TOM1L1: variants seen among roughly 807,000 people sequenced by gnomAD.
The protein encoded by TOM1L1 is target of myb1 like 1 membrane trafficking protein.
Under a neutral mutation model 63.4 loss-of-function variants are expected in TOM1L1, and 64 were observed. The ratio of observed to expected loss-of-function variants is 1.01; its 90% CI spans 0.83 to 1.24. TOM1L1 has a LOEUF of 1.24. Among genes scored for constraint, TOM1L1 ranks in the 50% most tolerant of loss-of-function variants. The pLI, the probability that TOM1L1 is intolerant of heterozygous loss-of-function variation, is 0.00. For synonymous variants in TOM1L1, 166 were observed against 194.4 expected, an observed-to-expected ratio of 0.85 and a Z score of 1.22; for missense variants, 536 against 567.0, an observed-to-expected ratio of 0.95 and a Z score of 0.55.
At chr17:54,902,751 G>A (rs749578596) in intron 1 of TOM1L1, among the ~76,000 whole-genome samples, 15 of 152,182 alleles carry the variant, frequency 9.9e-5, no homozygotes, top group Non-Finnish European at 1.9e-4. Flanking sequence ...TTAGGAAGAT[G>A]TTAGCGCATT....
chr17:54,930,389 C>A, intron 8 of TOM1L1, 183 bp downstream of exon 8: 1 of 674,122 alleles, frequency 1.5e-6, no homozygotes, highest in Non-Finnish European at 2.4e-6. Flanking sequence ...TCAGTAAATG[C>A]TAGAGGTCTT....
In TOM1L1 at chr17:54,946,394, C is replaced by T. The variant is rs2049119614; in HGVS notation, c.1131-867C>T. On this transcript the variant is annotated intron_variant, in intron 11 of 15. Coordinates refer to ENST00000575882, the MANE Select transcript of TOM1L1 (RefSeq NM_005486.3). ...GAGCTTTAGTTACCCTATGATACCA[C>T]ACATTTCCTTGACTATGCTTATGTC... 2.0e-5 allele frequency among the ~76,000 whole-genome samples: 3 copies of T among 152,158 alleles called. No homozygotes were observed. The South Asian group carries it at 6.2e-4, about 32-fold the overall frequency.
At chr17:54,950,956 T>C (rs138025266) in intron 14 of TOM1L1, among the ~76,000 whole-genome samples, 2 of 152,194 alleles carry the variant, frequency 1.3e-5, no homozygotes, top group East Asian at 1.9e-4. Context: ...AATTCTACAA[T>C]GGACACCAGC....
At chr17:54,925,489 A>G (rs2048752921) in intron 7 of TOM1L1, among the ~76,000 whole-genome samples, 1 of 152,238 alleles carries the variant, frequency 6.6e-6, no homozygotes, top group African/African-American at 2.4e-5. Context: ...TGGACAGTGG[A>G]TCTGGAGGGC....
chr17:54,934,391 T>C (rs957800015), intron 8 of TOM1L1, among the ~76,000 whole-genome samples: 2 of 152,232 alleles, frequency 1.3e-5, no homozygotes, highest in African/African-American at 4.8e-5. Flanking sequence ...TTCATTCTTT[T>C]TTCAACCTTT....
intron 15 of TOM1L1, chr17:54,961,027 C>G (rs1255498133): frequency 1.7e-6 from 1 of 584,010 alleles, no homozygotes; most frequent in African/African-American, 1.9e-5. Context: ...CACTACTAAT[C>G]CCATGTATTT....
At position 54,912,248 on chromosome 17, in the gene TOM1L1, A is replaced by G. The variant is rs2048508478; in HGVS notation, c.223-418A>G. ...TATAGCTGGGGTGACTGTGTAATTT[A>G]TCATCCAAACCAGGACATTTTTGAA... On this transcript the variant is annotated intron_variant, in intron 3 of 15. Coordinates refer to ENST00000575882, the MANE Select transcript of TOM1L1 (RefSeq NM_005486.3). 2.6e-5 allele frequency among the ~76,000 whole-genome samples: 4 copies of G among 152,298 alleles called. No individual in the cohort carries two copies. In the South Asian group the frequency reaches 8.3e-4, roughly 32 times the overall value.
chr17:54,959,734 C>T (rs2077063874), intron 14 of TOM1L1, among the ~76,000 whole-genome samples: 1 of 151,888 alleles, frequency 6.6e-6, no homozygotes, highest in Non-Finnish European at 1.5e-5. Context: ...CCTCCGACCT[C>T]AGCTTCCTGA....
At chr17:54,914,362 C>T (rs1180154909) in intron 5 of TOM1L1, among the ~76,000 whole-genome samples, 1 of 116,382 alleles carries the variant, frequency 8.6e-6, no homozygotes, top group Admixed American at 8.5e-5. Flanking sequence ...ATCACTTAGA[C>T]CCTTGGTTAA....
At chr17:54,949,229 G>A (rs2049171737) in intron 12 of TOM1L1, among the ~76,000 whole-genome samples, 1 of 85,646 alleles carries the variant, frequency 1.2e-5, no homozygotes, top group African/African-American at 5.0e-5. Flanking sequence ...TGTAGAGTTG[G>A]GGTCTTGCTG....
intron 1 of TOM1L1, among the ~76,000 whole-genome samples, chr17:54,903,038 G>A (rs2048352872): frequency 6.6e-6 from 1 of 152,222 alleles, no homozygotes; most frequent in Admixed American, 6.5e-5. Flanking sequence ...AGTATTGGTT[G>A]AAGTTATAAT....
intron 7 of TOM1L1, among the ~76,000 whole-genome samples, chr17:54,918,758 A>C (rs1359690150): frequency 6.6e-6 from 1 of 152,200 alleles, no homozygotes; most frequent in South Asian, 2.1e-4. Flanking sequence ...TTGGTCAAAT[A>C]AGTTTGTAAA....
At chr17:54,958,728 C>G (rs2077021296) in intron 14 of TOM1L1, among the ~76,000 whole-genome samples, 1 of 26,514 alleles carries the variant, frequency 3.8e-5, no homozygotes, top group African/African-American at 1.9e-4. Context: ...GAAACTCCAT[C>G]TCAAAAAAAA....
chr17:54,930,294 T>G (rs12939352), intron 8 of TOM1L1, 88 bp downstream of exon 8: 900,590 of 1,557,494 alleles, frequency 0.58, 263,527 homozygotes, highest in African/African-American at 0.6. Flanking sequence ...TGCCTACAAG[T>G]GACCCCTCTT....
chr17:54,906,330 G>A (rs192520159), intron 3 of TOM1L1, among the ~76,000 whole-genome samples: 15 of 152,198 alleles, frequency 9.9e-5, no homozygotes, highest in Admixed American at 9.2e-4. Context: ...GTAGCAGGGC[G>A]TGGTGGCGTG....
chr17:54,903,790 T>G lies in TOM1L1; in HGVS notation c.141T>G (p.Asp47Glu). Residue 47 changes from aspartate to glutamate, a missense_variant and splice_region_variant, in exon 2 of 16, where the codon GAT (aspartate) becomes GAG (glutamate). By Grantham distance (45) the Asp-to-Glu change is conservative (BLOSUM62 2). Transcript: ENST00000575882. Reference protein sequence around the residue: ...HICDIINTTQDGPKDAVKALK... With the variant: ...HICDIINTTQEGPKDAVKALK... ...GTGACATAATTAACACTACCCAGGA[T>G]GGGTGAGTACAGCATGGTTTCCATG... is the stretch of plus-strand genomic sequence containing the variant. The G allele has an allele frequency of 6.2e-7, 1 of 1,613,972 alleles. No individual in the cohort carries two copies. Among genetic ancestry groups the G allele is most frequent in the Non-Finnish European group, 8.5e-7 (1 of 1,179,826 alleles).
chr17:54,903,247 A>G (rs1481969749), intron 1 of TOM1L1, among the ~76,000 whole-genome samples: 1 of 152,266 alleles, frequency 6.6e-6, no homozygotes, highest in Admixed American at 6.5e-5. Flanking sequence ...CTAGATTTGA[A>G]TGCCAATTCT....
intron 6 of TOM1L1, among the ~76,000 whole-genome samples, chr17:54,915,524 T>C (rs1458128853): frequency 6.6e-6 from 1 of 152,150 alleles, no homozygotes; most frequent in African/African-American, 2.4e-5. Context: ...CTAAAGCATA[T>C]TTTGGGGTTT....
At chr17:54,931,794 C>A (rs765299109) in intron 8 of TOM1L1, among the ~76,000 whole-genome samples, 3 of 151,020 alleles carry the variant, frequency 2.0e-5, no homozygotes, top group Non-Finnish European at 2.9e-5. Context: ...CAGAGTGAGA[C>A]CCTGTCTCAA....
Sources: gnomAD v4.1 joint callset for allele counts (sites outside exome capture counted in the v4.1 genomes callset) on GRCh38, gnomAD v4.1.1 for gene constraint, MANE v1.5 for transcripts, NCBI Gene and HGNC (gene_info 2026-07-23, HGNC 2026-07-21) for gene names.